The following CDH12 variants were observed in gnomAD, a reference collection of about 807,000 sequenced individuals.
The protein encoded by CDH12 is cadherin 12.
CDH12 carries 41 observed loss-of-function variants against 74.1 expected under a neutral mutation model. That is an observed-to-expected ratio of 0.55 (90% CI 0.43 to 0.72). CDH12 has a LOEUF of 0.72. Among genes scored for constraint, CDH12 ranks in the 30% least tolerant of loss-of-function variants. CDH12 has a pLI of 0.00. For missense variants in CDH12, 945 were observed against 977.2 expected, an observed-to-expected ratio of 0.97 and a Z score of 0.44; for synonymous variants, 399 against 355.0, an observed-to-expected ratio of 1.12 and a Z score of -1.39.
intron 6 of CDH12, among the ~76,000 whole-genome samples, chr5:21,885,733 T>C (rs776028588): frequency 7.2e-5 from 11 of 152,218 alleles, no homozygotes; most frequent in Non-Finnish European, 1.5e-4. Flanking sequence ...ATTATGTTTC[T>C]TGTTTGCACC....
At position 22,479,641 on chromosome 5, in the gene CDH12, C is replaced by T. The variant is rs186216878; in HGVS notation, c.-428+25629G>A. Among the ~76,000 whole-genome samples, 4 of 152,316 alleles carry T rather than the reference C, an allele frequency of 2.6e-5. No individual in the cohort carries two copies. In the East Asian group the frequency reaches 7.7e-4, roughly 29 times the overall value. ...TTGGACTAATCGTAAACATTTAAAA[C>T]AGCATCTAAATCATTATCTATTTGT... On this transcript the variant is annotated intron_variant, in intron 2 of 14. Transcript: ENST00000382254.
intron 4 of CDH12, among the ~76,000 whole-genome samples, chr5:22,166,590 A>G (rs190761279): frequency 6.6e-6 from 1 of 152,380 alleles, no homozygotes; most frequent in Non-Finnish European, 1.5e-5. Flanking sequence ...CATTTTTACT[A>G]TAATGCACTG....
In CDH12 at chr5:21,842,195, G is replaced by A. The variant is rs76592602; in HGVS notation, c.780C>T (p.Thr260=). ...AGTTIVNITL[T]DVNDNPPRFP... is the part of the protein sequence containing the mutation. ...ATCGAGGTGGATTGTCATTGACATC[G>A]GTGAGAGTGATGTTGACTATTGTTG... The change falls in exon 8 of 15, where the codon ACC becomes ACT. Residue 260 remains threonine, a synonymous_variant. Coordinates refer to ENST00000382254, the MANE Select transcript of CDH12 (RefSeq NM_004061.5). The A allele has an allele frequency of 1.6e-3, 2,513 of 1,612,812 alleles. 25 individuals are homozygous for A. The African/African-American group carries it at 0.027, about 17-fold the overall frequency.
intron 10 of CDH12, among the ~76,000 whole-genome samples, chr5:21,790,448 A>G (rs1746426493): frequency 6.6e-6 from 1 of 152,226 alleles, no homozygotes; most frequent in East Asian, 1.9e-4. Flanking sequence ...TGCAATACAT[A>G]GATTAACCAC....
Position 22,126,605 on chromosome 5 carries a change from C to T in CDH12, c.-186-47743G>A, listed in dbSNP as rs116560829. On this transcript the variant is annotated intron_variant, in intron 4 of 14. Transcript: ENST00000382254. ...CAGGAAAAGTTTGTTTTACTATAGC[C>T]ATTTCTTGTTCTATTCTATTTGAGT... Among the ~76,000 whole-genome samples, 1,258 of 152,224 alleles carry T rather than the reference C, an allele frequency of 8.3e-3. 20 individuals are homozygous for T. The highest frequency in any genetic ancestry group is 0.029 in the African/African-American group (1,201 of 41,542).
intron 4 of CDH12, among the ~76,000 whole-genome samples, chr5:22,207,092 G>A (rs1751263980): frequency 6.6e-6 from 1 of 151,238 alleles, no homozygotes; most frequent in African/African-American, 2.4e-5. Context: ...GGTGGCAGGC[G>A]CCTGTAGTCC....
intron 1 of CDH12, among the ~76,000 whole-genome samples, chr5:22,596,091 G>C (rs1462968788): frequency 1.4e-5 from 2 of 139,642 alleles, no homozygotes; most frequent in Non-Finnish European, 3.1e-5. Flanking sequence ...CTGGGCGACA[G>C]AGCGTGACTC....
chr5:22,575,074 T>G (rs1739717638), intron 1 of CDH12, among the ~76,000 whole-genome samples: 2 of 152,182 alleles, frequency 1.3e-5, no homozygotes, highest in Non-Finnish European at 2.9e-5. Flanking sequence ...ATTGGCCAGC[T>G]CTATCTAGGA....
chr5:22,074,935 T>C (rs1033336397), intron 5 of CDH12, among the ~76,000 whole-genome samples: 18 of 152,002 alleles, frequency 1.2e-4, no homozygotes, highest in Admixed American at 3.9e-4. Flanking sequence ...AGAAATACCA[T>C]TTGATCCAGC....
At chr5:22,810,953 A>G (rs575801523) in intron 1 of CDH12, among the ~76,000 whole-genome samples, 8 of 148,776 alleles carry the variant, frequency 5.4e-5, no homozygotes, top group Non-Finnish European at 1.1e-4. Flanking sequence ...ACTTACATAT[A>G]TACATATATA....
chr5:21,770,240 T>C (rs1745247429), intron 11 of CDH12, among the ~76,000 whole-genome samples: 1 of 152,206 alleles, frequency 6.6e-6, no homozygotes, highest in South Asian at 2.1e-4. Flanking sequence ...GGTAAAGTAC[T>C]AATGAACACA....
intron 6 of CDH12, among the ~76,000 whole-genome samples, chr5:21,902,121 T>TG (rs1753417580): frequency 6.6e-6 from 1 of 152,034 alleles, no homozygotes; most frequent in Admixed American, 6.6e-5. Flanking sequence ...ATCTTTATTC[T>TG]GCTGCCTTCT....
At chr5:22,561,698 C>T (rs1057418991) in intron 1 of CDH12, among the ~76,000 whole-genome samples, 9 of 152,070 alleles carry the variant, frequency 5.9e-5, no homozygotes, top group African/African-American at 2.2e-4. Flanking sequence ...CCAGAGGAAA[C>T]TGAAGTCAAG....
chr5:22,406,138 G>A (rs990491610), intron 2 of CDH12, among the ~76,000 whole-genome samples: 2 of 152,142 alleles, frequency 1.3e-5, no homozygotes, highest in African/African-American at 4.8e-5. Flanking sequence ...TATTTATATT[G>A]TAGTTACAGA....
At chr5:22,465,952 T>C (rs1453109327) in intron 2 of CDH12, among the ~76,000 whole-genome samples, 1 of 152,204 alleles carries the variant, frequency 6.6e-6, no homozygotes, top group Admixed American at 6.5e-5. Flanking sequence ...TCTCTTACTC[T>C]ACCCCACCAA....
chr5:22,852,690 G>T (rs1223332237), intron 1 of CDH12, among the ~76,000 whole-genome samples: 1 of 152,156 alleles, frequency 6.6e-6, no homozygotes, highest in Admixed American at 6.5e-5. Flanking sequence ...TCATTATTTT[G>T]TTGTAAAAAT....
intron 4 of CDH12, among the ~76,000 whole-genome samples, chr5:22,138,495 A>G (rs1746583544): frequency 1.3e-5 from 2 of 151,524 alleles, no homozygotes; most frequent in African/African-American, 4.8e-5. Context: ...GGCCATAATA[A>G]TTGATATTTT....
chr5:21,764,160 G>T (rs1744876181), intron 12 of CDH12, among the ~76,000 whole-genome samples: 2 of 152,044 alleles, frequency 1.3e-5, no homozygotes, highest in African/African-American at 2.4e-5. Flanking sequence ...GGATCACGAG[G>T]TCAGGAGATT....
intron 1 of CDH12, among the ~76,000 whole-genome samples, chr5:22,715,935 AAG>A (rs950644433): frequency 6.6e-6 from 1 of 152,018 alleles, no homozygotes; most frequent in African/African-American, 2.4e-5. Context: ...TCAGGAGTTC[AAG>A]ATGAGCCTGG....
Sources: gnomAD v4.1 joint callset for allele counts (sites outside exome capture counted in the v4.1 genomes callset) on GRCh38, gnomAD v4.1.1 for gene constraint, MANE v1.5 for transcripts, NCBI Gene and HGNC (gene_info 2026-07-23, HGNC 2026-07-21) for gene names.